Variants in CDC20B observed in about 807,000 individuals in gnomAD.
CDC20B encodes the protein cell division cycle 20B, also known as cell division cycle protein 20 homolog B.
CDC20B carries 58 observed loss-of-function variants against 64.1 expected under a neutral mutation model. The ratio of observed to expected loss-of-function variants is 0.90; its 90% CI spans 0.73 to 1.13. The LOEUF is 1.13. Ranked by LOEUF, CDC20B falls within the 50% of genes most tolerant of loss-of-function variation. The probability of loss-of-function intolerance (pLI) is 0.00; values close to 1 mark genes in which losing one functional copy is unlikely to be tolerated. For missense variants in CDC20B, 597 were observed against 633.0 expected (o/e 0.94, Z 0.61); for synonymous variants, 243 against 230.6 (o/e 1.05, Z -0.49).
intron 2 of CDC20B, among the ~76,000 whole-genome samples, chr5:55,169,364 T>G (rs2111613540): frequency 6.6e-6 from 1 of 152,348 alleles, no homozygotes; most frequent in South Asian, 2.1e-4. Flanking sequence ...AAATATTTCT[T>G]ATATCTCATC....
intron 11 of CDC20B, 109 bp downstream of exon 11, chr5:55,119,692 G>A (rs1356124635): frequency 1.4e-6 from 1 of 691,120 alleles, no homozygotes; most frequent in Non-Finnish European, 2.6e-6. Context: ...CTGATGAAAT[G>A]TGTACTTAGA....
At position 55,172,446 on chromosome 5, in the gene CDC20B, AT is replaced by A. The variant is rs1744632568; in HGVS notation, c.126+141del. On this transcript the variant is annotated intron_variant, in intron 2 of 11. Coordinates refer to ENST00000381375, the MANE Select transcript of CDC20B (RefSeq NM_001170402.1). Reference sequence around the variant, plus strand: ...CTGGGATCTTCAGTTTCATAAAGAAATTTTTTTTAGTATGTAATAAGATACT... The same window carrying A: ...CTGGGATCTTCAGTTTCATAAAGAAATTTTTTTAGTATGTAATAAGATACT... 5.9e-5 allele frequency: 37 copies of A among 626,732 alleles called. 1 individual carries two copies. The highest frequency in any genetic ancestry group is 1.6e-4 in the South Asian group (8 of 49,798). The allele number at this position is 626,732 out of a possible 1,614,324, so 38.8% of individuals were successfully genotyped here. A position where few individuals can be genotyped will look rare whatever the true frequency, so the allele number is the denominator to read the frequency against.
intron 5 of CDC20B, among the ~76,000 whole-genome samples, chr5:55,139,805 A>G (rs1304772201): frequency 2.6e-5 from 4 of 152,108 alleles, no homozygotes; most frequent in African/African-American, 9.7e-5. Context: ...CAGGAGGGTC[A>G]CTTGCGGCCA....
chr5:55,137,964 A>G (rs1215469670), intron 5 of CDC20B, among the ~76,000 whole-genome samples: 2 of 152,142 alleles, frequency 1.3e-5, no homozygotes, highest in East Asian at 3.9e-4. Context: ...GAGAAGACTG[A>G]GAGGTGGGTT....
chr5:55,123,370 TATG>T (rs1391488666), intron 9 of CDC20B, among the ~76,000 whole-genome samples: 1 of 152,168 alleles, frequency 6.6e-6, no homozygotes, highest in Non-Finnish European at 1.5e-5. Context: ...AGTTTTACCA[TATG>T]ATGGATAATA....
chr5:55,161,320 C>G, intron 2 of CDC20B: 1 of 1,388,278 alleles, frequency 7.2e-7, no homozygotes, highest in Non-Finnish European at 9.9e-7. Context: ...TATACCAGGA[C>G]AATACTTTCC....
At chr5:55,150,334 G>A (rs553307409) in intron 2 of CDC20B, among the ~76,000 whole-genome samples, 18 of 152,172 alleles carry the variant, frequency 1.2e-4, no homozygotes, top group Non-Finnish European at 2.4e-4. Flanking sequence ...CTAAATGAAA[G>A]ATAGGAAGGG....
chr5:55,134,398 A>G (rs1318633177), intron 5 of CDC20B, among the ~76,000 whole-genome samples: 1 of 152,164 alleles, frequency 6.6e-6, no homozygotes, highest in Non-Finnish European at 1.5e-5. Flanking sequence ...CAAGATTACT[A>G]AAAATACTTA....
chr5:55,160,733 A>G, intron 2 of CDC20B: 1 of 473,156 alleles, frequency 2.1e-6, no homozygotes, highest in Non-Finnish European at 3.7e-6. Flanking sequence ...AGAACTTATC[A>G]AGGATCATAG....
At chr5:55,155,074 TAGAA>T (rs904679433) in intron 2 of CDC20B, among the ~76,000 whole-genome samples, 1 of 151,938 alleles carries the variant, frequency 6.6e-6, no homozygotes, top group Non-Finnish European at 1.5e-5. Context: ...TATTTATTAA[TAGAA>T]AGGAAGAGGA....
At chr5:55,128,830 C>G (rs979996979) in intron 6 of CDC20B, among the ~76,000 whole-genome samples, 3 of 152,060 alleles carry the variant, frequency 2.0e-5, no homozygotes, top group Non-Finnish European at 2.9e-5. Context: ...AGCAATAATG[C>G]TTATTATTTA....
chr5:55,143,689 T>A, intron 3 of CDC20B, 46 bp from the exon 4 acceptor site: 2 of 1,533,230 alleles, frequency 1.3e-6, no homozygotes, highest in African/African-American at 1.4e-5. Context: ...TAAAACAAGA[T>A]AATCACTTTG....
At chr5:55,162,505 C>G (rs1744131902) in intron 2 of CDC20B, among the ~76,000 whole-genome samples, 1 of 152,198 alleles carries the variant, frequency 6.6e-6, no homozygotes, top group Non-Finnish European at 1.5e-5. Context: ...AAACTATTAC[C>G]TCACTCAGGC....
intron 9 of CDC20B, among the ~76,000 whole-genome samples, chr5:55,122,929 C>G (rs1254024750): frequency 6.6e-6 from 1 of 152,170 alleles, no homozygotes; most frequent in East Asian, 1.9e-4. Flanking sequence ...TCCCAGAATC[C>G]TTACCCAGGA....
rs75195433 is a variant in CDC20B, at chr5:55,144,099, G to T, written c.356-456C>A. On this transcript the variant is annotated intron_variant, in intron 3 of 11. Coordinates refer to ENST00000381375, the MANE Select transcript of CDC20B (RefSeq NM_001170402.1). The stretch of plus-strand genomic sequence containing the variant: ...GAGTATCTGGTTTGCCCGAGCTATG[G>T]TCATCCTGCAAGGAAAACATTATGG... Among the ~76,000 whole-genome samples, 901 of 152,122 alleles carry T rather than the reference G, an allele frequency of 5.9e-3. 10 individuals are homozygous for T. The highest frequency in any genetic ancestry group is 0.024 in the Middle Eastern group (7 of 294).
intron 2 of CDC20B, chr5:55,160,088 C>A: frequency 1.3e-6 from 1 of 759,866 alleles, no homozygotes; most frequent in Non-Finnish European, 2.3e-6. Context: ...GCAGTGAAAG[C>A]AGTCAGCCTG....
At chr5:55,142,987 C>A (rs1743371788) in intron 4 of CDC20B, among the ~76,000 whole-genome samples, 2 of 152,024 alleles carry the variant, frequency 1.3e-5, no homozygotes, top group African/African-American at 4.8e-5. Context: ...TTACGTCAGA[C>A]TCCTAAGATC....
chr5:55,137,498 G>A (rs781594789), intron 5 of CDC20B: 1 of 455,298 alleles, frequency 2.2e-6, no homozygotes, highest in Admixed American at 2.4e-5. Context: ...GCTTATGTGG[G>A]ATCTGTTTCA....
At chr5:55,160,095 C>A in intron 2 of CDC20B, 1 of 831,732 alleles carries the variant, frequency 1.2e-6, no homozygotes, top group Non-Finnish European at 2.0e-6. Context: ...AAGCAGTCAG[C>A]CTGTCCTTCC....
Sources: gnomAD v4.1 joint callset for allele counts (sites outside exome capture counted in the v4.1 genomes callset) on GRCh38, gnomAD v4.1.1 for gene constraint, MANE v1.5 for transcripts, NCBI Gene and HGNC (gene_info 2026-07-23, HGNC 2026-07-21) for gene names.